WNK3: variants seen among roughly 807,000 people sequenced by gnomAD.
WNK3 encodes the protein WNK lysine deficient protein kinase 3, also known as serine/threonine-protein kinase WNK3.
In WNK3, 18 loss-of-function variants were observed where a neutral mutation model predicts 116.7. The observed-to-expected ratio is 0.15, with a 90% CI of 0.11 to 0.23. The LOEUF (loss-of-function observed/expected upper bound fraction) is 0.23. Ranked by LOEUF, WNK3 falls within the 10% of genes least tolerant of loss-of-function variation. The probability of loss-of-function intolerance (pLI) is 1.00; values close to 1 mark genes in which losing one functional copy is unlikely to be tolerated. For missense variants in WNK3, 993 were observed against 1,323.8 expected, an observed-to-expected ratio of 0.75 and a Z score of 3.88; for synonymous variants, 404 against 469.4, an observed-to-expected ratio of 0.86 and a Z score of 1.80.
intron 10 of WNK3, among the ~76,000 whole-genome samples, chrX:54,270,520 C>T (rs1257156725): frequency 1.9e-5 from 2 of 107,724 alleles, no homozygotes; most frequent in Non-Finnish European, 3.8e-5. Flanking sequence ...TCTCCTGCCT[C>T]ACCCTCCCAA....
intron 12 of WNK3, among the ~76,000 whole-genome samples, chrX:54,254,440 G>A (rs980027078): frequency 8.9e-5 from 10 of 112,139 alleles, no homozygotes; most frequent in African/African-American, 3.2e-4. Flanking sequence ...CAAAAGAAGA[G>A]GCACTGCAAA....
chrX:54,306,685 T>TA lies in WNK3; in HGVS notation c.1089+1236dup, dbSNP rs1340931672. Among the ~76,000 whole-genome samples, 7 of 110,930 alleles carry TA rather than the reference T, an allele frequency of 6.3e-5. No homozygotes were observed. The Admixed American group carries it at 6.8e-4, about 11-fold the overall frequency. On this transcript the variant is annotated intron_variant, in intron 5 of 23. Transcript: ENST00000354646. ...TTGGTCAAAAGGTACAAGTTGCAGT[T>TA]AGACAGGAGGAGTAGGTTTTGAGAT...
intron 10 of WNK3, among the ~76,000 whole-genome samples, chrX:54,284,339 G>A (rs889534477): frequency 1.8e-5 from 2 of 111,486 alleles, no homozygotes; most frequent in African/African-American, 6.5e-5. Flanking sequence ...TTAAAACCAC[G>A]ATGAGATACC....
chrX:54,279,567 A>G (rs1374024490), intron 10 of WNK3, among the ~76,000 whole-genome samples: 1 of 111,651 alleles, frequency 9.0e-6, no homozygotes, highest in Non-Finnish European at 1.9e-5. Flanking sequence ...CTACCTCAAC[A>G]AACAAACAAA....
At chrX:54,321,795 A>G in intron 2 of WNK3, among the ~76,000 whole-genome samples, 1 of 109,676 alleles carries the variant, frequency 9.1e-6, no homozygotes, top group East Asian at 2.9e-4. Flanking sequence ...CCCCATCTCT[A>G]CTAAAAATAC....
rs1018798346 is a variant in WNK3, at chrX:54,220,856, A to G, written c.4870+7858T>C. ...AATAGGATTCTACTTGTTGTATATA[A>G]TTAAAGAAATTTAACCTGGGCCAGA... On this transcript the variant is annotated intron_variant, in intron 22 of 23. Transcript: ENST00000354646. 4.5e-5 allele frequency among the ~76,000 whole-genome samples: 5 copies of G among 111,333 alleles called. No individual in the cohort carries two copies. In the East Asian group the frequency reaches 1.4e-3, roughly 31 times the overall value.
chrX:54,211,500 T>C (rs2067613018), intron 22 of WNK3, among the ~76,000 whole-genome samples: 1 of 103,160 alleles, frequency 9.7e-6, no homozygotes, highest in African/African-American at 3.6e-5. Context: ...CTAACCATAA[T>C]GATTTTAAAG....
chrX:54,333,465 T>G, exon 2 of WNK3: 1 of 1,211,362 alleles, frequency 8.3e-7, no homozygotes, highest in Non-Finnish European at 1.1e-6. Context: ...TTCGGCAACT[T>G]TGTCATCTTC....
chrX:54,258,931 A>G (rs1283302150), intron 11 of WNK3, among the ~76,000 whole-genome samples: 2 of 110,474 alleles, frequency 1.8e-5, no homozygotes, highest in Non-Finnish European at 3.8e-5. Context: ...GTACTAAATA[A>G]TAATACAATT....
intron 20 of WNK3, among the ~76,000 whole-genome samples, chrX:54,234,726 T>C (rs1352538240): frequency 7.4e-5 from 8 of 107,403 alleles, no homozygotes; most frequent in Non-Finnish European, 1.3e-4. Flanking sequence ...CTTGGGAGGC[T>C]GAGGCAGGAG....
At chrX:54,289,016 C>T (rs2068610207) in intron 10 of WNK3, among the ~76,000 whole-genome samples, 1 of 111,942 alleles carries the variant, frequency 8.9e-6, no homozygotes, top group African/African-American at 3.2e-5. Flanking sequence ...AAATAAGATA[C>T]ATGCTCAAGA....
chrX:54,196,933 A>C (rs1387249171), exon 24 of WNK3: 1 of 112,008 alleles, frequency 8.9e-6, no homozygotes, highest in Admixed American at 9.6e-5. Context: ...TATAGATACT[A>C]AAAAGAAATT....
At chrX:54,226,414 G>A (rs1340007611) in intron 22 of WNK3, among the ~76,000 whole-genome samples, 2 of 98,548 alleles carry the variant, frequency 2.0e-5, no homozygotes, top group Admixed American at 2.3e-4. Flanking sequence ...AGGTTACAGT[G>A]AGCTGAGATT....
At chrX:54,347,547 G>A (rs1259598954) in intron 1 of WNK3, among the ~76,000 whole-genome samples, 1 of 109,224 alleles carries the variant, frequency 9.2e-6, no homozygotes, top group African/African-American at 3.3e-5. Flanking sequence ...CTACTTGGGA[G>A]GCTGAAGTAG....
rs782265324 is a variant in WNK3, at chrX:54,200,150, G to A, written c.5074-1497C>T. 6.3e-5 allele frequency among the ~76,000 whole-genome samples: 7 copies of A among 111,880 alleles called. No individual in the cohort carries two copies. The South Asian group carries it at 1.5e-3, about 24-fold the overall frequency. ...TTTCCTTTACTAGGTCAAATTTCCC[G>A]TATTATAGCCTATATCTTTCTTTTG... On this transcript the variant is annotated intron_variant, in intron 23 of 23. Coordinates refer to ENST00000354646, the Ensembl canonical transcript of WNK3.
intron 3 of WNK3, among the ~76,000 whole-genome samples, chrX:54,310,391 A>T (rs959984713): frequency 4.6e-5 from 5 of 108,567 alleles, no homozygotes; most frequent in Non-Finnish European, 7.6e-5. Context: ...AATTATTTTT[A>T]AAAAAATTAG....
At chrX:54,330,809 G>T (rs1361239769) in intron 2 of WNK3, among the ~76,000 whole-genome samples, 2 of 110,008 alleles carry the variant, frequency 1.8e-5, no homozygotes, top group Non-Finnish European at 3.8e-5. Flanking sequence ...CCTGCACGTT[G>T]TGCACATGTA....
chrX:54,294,914 T>C (rs2068680848), intron 7 of WNK3, 67 bp from the exon 8 acceptor site: 2 of 972,227 alleles, frequency 2.1e-6, no homozygotes, highest in Non-Finnish European at 2.7e-6. Flanking sequence ...TTTTTTTTTT[T>C]TGAGACAGAG....
exon 10 of WNK3, chrX:54,293,005 C>G: frequency 8.3e-7 from 1 of 1,210,735 alleles, no homozygotes; most frequent in South Asian, 1.8e-5. Flanking sequence ...AAGGCAAAAT[C>G]TGCGGCTGAG....
Sources: allele counts gnomAD v4.1 joint callset (sites outside exome capture counted in the v4.1 genomes callset), GRCh38; gene constraint gnomAD v4.1.1; transcripts MANE v1.5; gene names NCBI Gene and HGNC (gene_info 2026-07-23, HGNC 2026-07-21).